The following PIK3C3 variants were observed in gnomAD, a reference collection of about 807,000 sequenced individuals.
The protein encoded by PIK3C3 is phosphatidylinositol 3-kinase catalytic subunit type 3.
Under a neutral mutation model 126.1 loss-of-function variants are expected in PIK3C3, and 95 were observed. That is an observed-to-expected ratio of 0.75 (90% CI 0.64 to 0.89). The LOEUF is 0.89. Among genes scored for constraint, PIK3C3 ranks in the 40% least tolerant of loss-of-function variants. The pLI, the probability that PIK3C3 is intolerant of heterozygous loss-of-function variation, is 0.00. For synonymous variants in PIK3C3, 374 were observed against 360.0 expected (o/e 1.04, Z -0.44); for missense variants, 829 against 1,063.2 (o/e 0.78, Z 3.06).
chr18:42,003,939 C>T (rs554720488), intron 9 of PIK3C3, among the ~76,000 whole-genome samples: 165 of 152,236 alleles, frequency 1.1e-3, no homozygotes, highest in Non-Finnish European at 2.0e-3. Context: ...GAATTTCTGC[C>T]CTAGCATGGC....
At chr18:41,986,281 G>A (rs1041624345) in intron 4 of PIK3C3, among the ~76,000 whole-genome samples, 1 of 152,038 alleles carries the variant, frequency 6.6e-6, no homozygotes, top group African/African-American at 2.4e-5. Context: ...ATTCCTATAG[G>A]AAGTATATAA....
chr18:42,057,287 A>G (rs1403204607), intron 21 of PIK3C3, among the ~76,000 whole-genome samples: 1 of 134,260 alleles, frequency 7.4e-6, no homozygotes, highest in Non-Finnish European at 1.6e-5. Flanking sequence ...TACTCTTACT[A>G]TACAATGAAA....
At chr18:42,057,852 G>T (rs751773102) in intron 21 of PIK3C3, 31 bp from the exon 22 acceptor site, 2 of 1,606,894 alleles carry the variant, frequency 1.2e-6, no homozygotes, top group African/African-American at 2.7e-5. Context: ...AGATAATTCT[G>T]GAAACAAATG....
At chr18:41,967,294 G>T (rs1462388534) in intron 3 of PIK3C3, among the ~76,000 whole-genome samples, 2 of 152,076 alleles carry the variant, frequency 1.3e-5, no homozygotes, top group Non-Finnish European at 2.9e-5. Context: ...TATTCTGGGT[G>T]GTCTCAGCAA....
intron 19 of PIK3C3, among the ~76,000 whole-genome samples, 175 bp downstream of exon 19, chr18:42,040,916 T>C (rs1465418644): frequency 6.6e-6 from 1 of 152,230 alleles, no homozygotes; most frequent in African/African-American, 2.4e-5. Flanking sequence ...TTCTTCCATT[T>C]GTTACATAGA....
At position 42,015,967 on chromosome 18, in the gene PIK3C3, A is replaced by T. The variant is rs1034390562; in HGVS notation, c.1416+401A>T. ...ACTAAGCAACTTTTTAACTATACAT[A>T]TAAGTAGACACATTTTTGAGATAAA... On this transcript the variant is annotated intron_variant, in intron 12 of 24. Transcript: ENST00000262039. 2.0e-5 allele frequency among the ~76,000 whole-genome samples: 3 copies of T among 152,320 alleles called. No individual in the cohort carries two copies. The South Asian group carries it at 6.2e-4, about 32-fold the overall frequency.
chr18:42,015,644 A>G, intron 12 of PIK3C3, 78 bp downstream of exon 12: 1 of 923,946 alleles, frequency 1.1e-6, no homozygotes, highest in Non-Finnish European at 1.7e-6. Flanking sequence ...TTAAAACCTC[A>G]ATTTTGATTA....
At chr18:41,969,081 A>C (rs1489363301) in intron 3 of PIK3C3, among the ~76,000 whole-genome samples, 2 of 151,770 alleles carry the variant, frequency 1.3e-5, no homozygotes, top group Non-Finnish European at 2.9e-5. Flanking sequence ...AGCCTCTCAA[A>C]ATGCTGAGAT....
intron 10 of PIK3C3, among the ~76,000 whole-genome samples, chr18:42,012,724 C>G (rs1363923459): frequency 1.3e-5 from 2 of 152,136 alleles, no homozygotes; most frequent in Non-Finnish European, 2.9e-5. Flanking sequence ...ACTTTGTTGA[C>G]TGACACCTTT....
chr18:42,055,145 G>T (rs1237250842), intron 21 of PIK3C3, among the ~76,000 whole-genome samples: 1 of 151,946 alleles, frequency 6.6e-6, no homozygotes, highest in Non-Finnish European at 1.5e-5. Flanking sequence ...GAATGGCCTG[G>T]TACTGTGCTG....
intron 15 of PIK3C3, among the ~76,000 whole-genome samples, chr18:42,031,607 G>C (rs940691818): frequency 3.9e-5 from 6 of 151,998 alleles, no homozygotes; most frequent in African/African-American, 1.4e-4. Flanking sequence ...AGTAAAGATG[G>C]GGGGGTTTCA....
chr18:42,031,453 G>A (rs1451588964), intron 15 of PIK3C3, among the ~76,000 whole-genome samples: 2 of 151,844 alleles, frequency 1.3e-5, no homozygotes, highest in Non-Finnish European at 2.9e-5. Context: ...GTCTTGCTCC[G>A]TCGTCCAGGC....
In PIK3C3 at chr18:42,004,427, G is replaced by C; in HGVS notation, c.1056G>C (p.Leu352=). The change falls in exon 10 of 25, where the codon CTG becomes CTC. Residue 352 remains leucine, a synonymous_variant. Transcript: ENST00000262039. ...PQEAKQALEL[L]GKWKPMDVED... ...AGGCCAAACAGGCCTTGGAACTTCT[G>C]GGAAAATGGAAGCCGATGGATGTAG... 1.9e-6 allele frequency: 3 copies of C among 1,613,816 alleles called. No homozygotes were observed. The highest frequency in any genetic ancestry group is 2.5e-6 in the Non-Finnish European group (3 of 1,179,870).
chr18:41,962,550 G>A lies in PIK3C3; in HGVS notation c.319G>A (p.Ala107Thr). ...YPDLPRNAQVALTIWDVYGPG... is the reference protein window; with the variant it reads ...YPDLPRNAQVTLTIWDVYGPG... ...TGACCTGCCCAGGAATGCCCAAGTG[G>A]CCCTCACCATATGGGATGTGTATGG... is the stretch of plus-strand genomic sequence containing the variant. The change falls in exon 3 of 25, where the codon GCC becomes ACC. Residue 107 changes from alanine to threonine, a missense_variant. This residue lies in a region of PIK3C3 where 313 missense variants were observed against 340.7 expected (regional missense o/e 0.92). Transcript: ENST00000262039. 2 of 1,613,686 alleles carry A rather than the reference G, an allele frequency of 1.2e-6. No individual in the cohort carries two copies. The highest frequency in any genetic ancestry group is 1.7e-6 in the Non-Finnish European group (2 of 1,179,726).
Position 41,970,401 on chromosome 18 carries a change from C to T in PIK3C3, c.476C>T (p.Thr159Ile), listed in dbSNP as rs1182955956. 13 of 1,613,734 alleles carry T rather than the reference C, an allele frequency of 8.1e-6. No individual in the cohort carries two copies. Among genetic ancestry groups the T allele is most frequent in the Admixed American group, 3.3e-5 (2 of 59,992 alleles). Residue 159 changes from threonine (T) to isoleucine (I), a missense_variant, in exon 4 of 25, where the codon ACT becomes ATT. By Grantham distance (89) the Thr-to-Ile change is moderately conservative (BLOSUM62 -1). Around this residue, in one of 4 missense-constraint regions of PIK3C3, gnomAD observed 313 missense variants for 340.7 expected, o/e 0.92. Transcript: ENST00000262039. The stretch of plus-strand genomic sequence containing the variant: ...GCAGATGGATCAGAACCCACAAAAA[C>T]TCCTGGCAGAACAAGTAGCACTCTC... ...VEADGSEPTK[T>I]PGRTSSTLSE...
intron 10 of PIK3C3, among the ~76,000 whole-genome samples, chr18:42,006,509 G>C (rs1374650843): frequency 6.6e-6 from 1 of 152,108 alleles, no homozygotes; most frequent in Non-Finnish European, 1.5e-5. Flanking sequence ...TAATCACATG[G>C]CTGGCTTTTC....
rs539741875 is a variant in PIK3C3, at chr18:42,049,559, T to A, written c.2217T>A (p.Leu739=). 7 of 1,613,886 alleles carry A rather than the reference T, an allele frequency of 4.3e-6. No homozygotes were observed. In the South Asian group the frequency reaches 4.4e-5, roughly 10 times the overall value. Residue 739 remains leucine, a synonymous_variant, in exon 21 of 25, where the codon CTT becomes CTA. Coordinates refer to ENST00000262039, the MANE Select transcript of PIK3C3 (RefSeq NM_002647.4). ...CAGYCVITYI[L]GVGDRHLDNL... is the part of the protein sequence containing the mutation. ...GATATTGCGTGATCACCTATATACTTGGAGTTGGAGACAGGCACCTGGATA... is the reference window on the plus strand; with the variant it reads ...GATATTGCGTGATCACCTATATACTAGGAGTTGGAGACAGGCACCTGGATA...
At chr18:42,076,171 TATATATGCACATATATATATGCACAC>T (rs1986014663) in intron 24 of PIK3C3, among the ~76,000 whole-genome samples, 3 of 128,346 alleles carry the variant, frequency 2.3e-5, no homozygotes, top group African/African-American at 9.8e-5. Context: ...TGCACATATA[TATATATGCACATATATATATGCACAC>T]ATATATATAT....
chr18:42,030,374 A>G (rs987866246), intron 15 of PIK3C3, among the ~76,000 whole-genome samples: 1 of 152,228 alleles, frequency 6.6e-6, no homozygotes, highest in African/African-American at 2.4e-5. Flanking sequence ...CCTAAATGAT[A>G]TGAAAGATTC....
Sources: allele counts gnomAD v4.1 joint callset (sites outside exome capture counted in the v4.1 genomes callset), GRCh38; gene constraint gnomAD v4.1.1; regional missense constraint gnomAD v4.1.1; transcripts MANE v1.5; gene names NCBI Gene and HGNC (gene_info 2026-07-23, HGNC 2026-07-21).